DPYD: variants seen among roughly 807,000 people sequenced by gnomAD.
The protein encoded by DPYD is dihydropyrimidine dehydrogenase [NADP(+)].
DPYD carries 109 observed loss-of-function variants against 116.2 expected under a neutral mutation model. That is an observed-to-expected ratio of 0.94 (90% CI 0.80 to 1.10). The LOEUF (loss-of-function observed/expected upper bound fraction) is 1.10, where lower values mean the gene tolerates loss of function less well. Among genes scored for constraint, DPYD ranks in the 50% least tolerant of loss-of-function variants. DPYD has a pLI of 0.00. For synonymous variants in DPYD, 440 were observed against 432.0 expected (o/e 1.02, Z -0.23); for missense variants, 1,302 against 1,254.5 (o/e 1.04, Z -0.57).
At chr1:97,439,716 T>C (rs1675658971) in intron 14 of DPYD, among the ~76,000 whole-genome samples, 1 of 152,138 alleles carries the variant, frequency 6.6e-6, no homozygotes, top group Non-Finnish European at 1.5e-5. Context: ...ATTTCATTTC[T>C]TTTCCACTCT....
chr1:97,444,355 G>A (rs1339196239), intron 14 of DPYD, among the ~76,000 whole-genome samples: 5 of 152,078 alleles, frequency 3.3e-5, no homozygotes, highest in Non-Finnish European at 7.4e-5. Context: ...GACAGTCAAT[G>A]CAATATCTCT....
intron 2 of DPYD, among the ~76,000 whole-genome samples, chr1:97,831,733 A>T (rs991007939): frequency 6.6e-5 from 10 of 151,872 alleles, no homozygotes; most frequent in Non-Finnish European, 5.9e-5. Flanking sequence ...ATAAAAAGAG[A>T]AAAGGGGACA....
At chr1:97,247,897 G>A (rs1662829697) in intron 18 of DPYD, among the ~76,000 whole-genome samples, 1 of 152,140 alleles carries the variant, frequency 6.6e-6, no homozygotes, top group South Asian at 2.1e-4. Flanking sequence ...CAAACTGCAA[G>A]CCCAGATGGC....
chr1:97,107,317 C>T (rs1651241578), intron 20 of DPYD, among the ~76,000 whole-genome samples: 1 of 152,122 alleles, frequency 6.6e-6, no homozygotes, highest in African/African-American at 2.4e-5. Flanking sequence ...CTGCCAAAGA[C>T]TTACTTCTTA....
At chr1:97,467,279 GAA>G (rs1212933898) in intron 13 of DPYD, among the ~76,000 whole-genome samples, 9 of 152,174 alleles carry the variant, frequency 5.9e-5, no homozygotes, top group African/African-American at 1.9e-4. Context: ...GGTACCTAGA[GAA>G]AGTCAAACCC....
intron 18 of DPYD, among the ~76,000 whole-genome samples, chr1:97,272,865 T>C (rs1664686096): frequency 6.6e-6 from 1 of 152,126 alleles, no homozygotes; most frequent in Non-Finnish European, 1.5e-5. Flanking sequence ...ATCAGATAAG[T>C]AGGATGTGGC....
intron 11 of DPYD, among the ~76,000 whole-genome samples, chr1:97,562,248 G>A (rs766837713): frequency 6.6e-6 from 1 of 152,170 alleles, no homozygotes; most frequent in South Asian, 2.1e-4. Context: ...TCCAAAGTAT[G>A]AGAGTAATGT....
intron 8 of DPYD, among the ~76,000 whole-genome samples, chr1:97,653,555 G>C (rs768353209): frequency 4.0e-5 from 6 of 151,814 alleles, no homozygotes; most frequent in Non-Finnish European, 7.4e-5. Flanking sequence ...TGCCCGCCTC[G>C]GCCTCCCAAA....
At chr1:97,402,243 TA>T (rs1322404231) in intron 14 of DPYD, among the ~76,000 whole-genome samples, 3 of 152,166 alleles carry the variant, frequency 2.0e-5, no homozygotes, top group African/African-American at 4.8e-5. Context: ...ACTGTCTTCC[TA>T]TACATGAACA....
chr1:97,434,521 A>G (rs1305190796), intron 14 of DPYD, among the ~76,000 whole-genome samples: 2 of 152,026 alleles, frequency 1.3e-5, no homozygotes, highest in East Asian at 3.9e-4. Context: ...TATCCTATTT[A>G]CAATCCAGTC....
At chr1:97,787,396 T>C (rs2101245589) in intron 3 of DPYD, among the ~76,000 whole-genome samples, 1 of 152,346 alleles carries the variant, frequency 6.6e-6, no homozygotes, top group Non-Finnish European at 1.5e-5. Flanking sequence ...CTGGCTTAAA[T>C]TGTCAACCTG....
intron 14 of DPYD, among the ~76,000 whole-genome samples, chr1:97,393,982 T>C (rs1008149016): frequency 1.6e-4 from 25 of 152,278 alleles, no homozygotes; most frequent in Admixed American, 1.5e-3. Flanking sequence ...ATGATGGCCA[T>C]TCTAACTGGT....
chr1:97,766,279 T>G (rs556537013), intron 3 of DPYD, among the ~76,000 whole-genome samples: 1 of 151,986 alleles, frequency 6.6e-6, no homozygotes, highest in South Asian at 2.1e-4. Flanking sequence ...TGTGGTAAAT[T>G]TAAAGTAAGA....
intron 19 of DPYD, among the ~76,000 whole-genome samples, chr1:97,232,893 A>G (rs1268289126): frequency 6.6e-6 from 1 of 152,196 alleles, no homozygotes; most frequent in Non-Finnish European, 1.5e-5. Flanking sequence ...TGTCATGTTA[A>G]TGTGGGCATC....
intron 16 of DPYD, among the ~76,000 whole-genome samples, chr1:97,346,344 C>CT (rs961617113): frequency 5.5e-4 from 84 of 151,678 alleles, no homozygotes; most frequent in African/African-American, 1.7e-3. Context: ...TTGCTCGATC[C>CT]TTTTTTTAGT....
intron 20 of DPYD, among the ~76,000 whole-genome samples, chr1:97,186,412 C>A (rs1221044242): frequency 6.6e-6 from 1 of 152,114 alleles, no homozygotes; most frequent in Non-Finnish European, 1.5e-5. Context: ...TCATCCTACA[C>A]CCTGCTTCTA....
At chr1:97,833,490 GA>G (rs906746996) in intron 2 of DPYD, among the ~76,000 whole-genome samples, 3 of 151,836 alleles carry the variant, frequency 2.0e-5, no homozygotes, top group Admixed American at 2.0e-4. Flanking sequence ...CAGATTAAGA[GA>G]AAAAAAGGGG....
At chr1:97,373,699 T>C (rs1671431237) in intron 15 of DPYD, 55 bp from the exon 16 acceptor site, 2 of 1,474,534 alleles carry the variant, frequency 1.4e-6, no homozygotes, top group Middle Eastern at 2.0e-4. Context: ...TATATACCAA[T>C]AGGCTTTCAC....
chr1:97,252,394 A>T (rs1357618152), intron 18 of DPYD, among the ~76,000 whole-genome samples: 2 of 152,220 alleles, frequency 1.3e-5, no homozygotes, highest in Non-Finnish European at 2.9e-5. Context: ...TAATGCACAT[A>T]TCTAAGCAAA....
Sources: gnomAD v4.1 joint callset for allele counts (sites outside exome capture counted in the v4.1 genomes callset) on GRCh38, gnomAD v4.1.1 for gene constraint, MANE v1.5 for transcripts, NCBI Gene and HGNC (gene_info 2026-07-23, HGNC 2026-07-21) for gene names.